Variants in RAPGEF5 observed in about 807,000 individuals in gnomAD.
RAPGEF5 encodes Rap guanine nucleotide exchange factor 5.
Under a neutral mutation model 125.2 loss-of-function variants are expected in RAPGEF5, and 65 were observed. The observed-to-expected ratio is 0.52, with a 90% confidence interval of 0.43 to 0.64. The LOEUF (loss-of-function observed/expected upper bound fraction) is 0.64, where lower values mean the gene tolerates loss of function less well. RAPGEF5 is among the 30% of genes least tolerant of loss of function. The pLI is 0.00. For missense variants in RAPGEF5, 958 were observed against 1,048.1 expected (o/e 0.91, Z 1.19); for synonymous variants, 391 against 385.9 (o/e 1.01, Z -0.16).
chr7:22,216,702 A>T (rs1350319494), intron 9 of RAPGEF5, among the ~76,000 whole-genome samples: 1 of 152,180 alleles, frequency 6.6e-6, no homozygotes, highest in Admixed American at 6.5e-5. Context: ...TCCTCCCATA[A>T]TAATTTTCAA....
chr7:22,187,604 G>T (rs1784862276), intron 11 of RAPGEF5, among the ~76,000 whole-genome samples: 2 of 152,170 alleles, frequency 1.3e-5, no homozygotes, highest in South Asian at 4.1e-4. Flanking sequence ...TGTGTGTCCA[G>T]TACCTCTGTT....
chr7:22,334,855 T>A (rs113200205), intron 1 of RAPGEF5, among the ~76,000 whole-genome samples: 2,133 of 152,294 alleles, frequency 0.014, 46 homozygotes, highest in African/African-American at 0.048. Context: ...ATTCTTCCTA[T>A]CCTTCTCTGA....
At chr7:22,190,986 T>A (rs1432344092) in intron 11 of RAPGEF5, among the ~76,000 whole-genome samples, 1 of 152,152 alleles carries the variant, frequency 6.6e-6, no homozygotes, top group African/African-American at 2.4e-5. Context: ...CTGTGTACTT[T>A]TATTGCAGCC....
At position 22,165,969 on chromosome 7, in the gene RAPGEF5, T is replaced by C. The variant is rs146170776; in HGVS notation, c.1283+1101A>G. 2.3e-3 allele frequency among the ~76,000 whole-genome samples: 341 copies of C among 151,128 alleles called. 2 individuals carry two copies. Among genetic ancestry groups the C allele is most frequent in the Admixed American group, 2.5e-3 (38 of 15,118 alleles). On this transcript the variant is annotated intron_variant, in intron 12 of 25. Coordinates refer to ENST00000665637, the MANE Select transcript of RAPGEF5 (RefSeq NM_012294.5). The stretch of plus-strand genomic sequence containing the variant: ...TAGCTGGGACCACAGGCGCATGCCA[T>C]CATGCCCAGCTAGTTTTGGTATGCC...
At chr7:22,306,516 T>C (rs1783345690) in intron 5 of RAPGEF5, among the ~76,000 whole-genome samples, 1 of 152,202 alleles carries the variant, frequency 6.6e-6, no homozygotes, top group South Asian at 2.1e-4. Context: ...ATTCTGTGGG[T>C]TGTCTCTTCA....
chr7:22,240,523 C>A lies in RAPGEF5; in HGVS notation c.797-9604G>T, dbSNP rs568989739. On this transcript the variant is annotated intron_variant, in intron 7 of 25. Transcript: ENST00000665637. ...AGTAGCTGGGATTACAGGTGCCCAC[C>A]ACCATGCTCGGCTAATTTTTTGTAT... 9.5e-4 allele frequency among the ~76,000 whole-genome samples: 145 copies of A among 152,088 alleles called. No homozygotes were observed. The Middle Eastern group carries it at 0.027, about 29-fold the overall frequency.
At chr7:22,244,133 T>C (rs537414000) in intron 7 of RAPGEF5, among the ~76,000 whole-genome samples, 2 of 152,314 alleles carry the variant, frequency 1.3e-5, no homozygotes, top group South Asian at 4.1e-4. Flanking sequence ...TATTTCCTTC[T>C]TTTTCAAGAC....
At chr7:22,150,074 C>CTTTTTTTTTTTTTTTTTTTTTTTTTTT (rs71550462) in intron 18 of RAPGEF5, among the ~76,000 whole-genome samples, 1 of 76,288 alleles carries the variant, frequency 1.3e-5, no homozygotes, top group Non-Finnish European at 2.5e-5. Context: ...ACGTGTGTTC[C>CTTTTTTTTTTTTTTTTTTTTTTTTTTT]TTTTTTTTTT....
At chr7:22,317,251 T>C (rs1384867544) in intron 2 of RAPGEF5, among the ~76,000 whole-genome samples, 1 of 150,506 alleles carries the variant, frequency 6.6e-6, no homozygotes, top group Non-Finnish European at 1.5e-5. Flanking sequence ...TCTTTTTTTT[T>C]TTTTTTTGAG....
Position 22,207,429 on chromosome 7 carries a change from G to A in RAPGEF5, c.996+12437C>T, listed in dbSNP as rs150510990. 7.8e-3 allele frequency among the ~76,000 whole-genome samples: 1,194 copies of A among 152,256 alleles called. 21 individuals carry two copies. Among genetic ancestry groups the A allele is most frequent in the African/African-American group, 0.028 (1,151 of 41,544 alleles). ...AGTAAAGCATGTCATGAAAATATGA[G>A]GAAAGCCTCAGAATACAAAGACTGG... is the stretch of plus-strand genomic sequence containing the variant. On this transcript the variant is annotated intron_variant, in intron 9 of 25. Coordinates refer to ENST00000665637, the MANE Select transcript of RAPGEF5 (RefSeq NM_012294.5).
In RAPGEF5 at chr7:22,284,131, C is replaced by G. The variant is rs149265431; in HGVS notation, c.747+7044G>C. Among the ~76,000 whole-genome samples the G allele has an allele frequency of 7.2e-5, 11 of 151,880 alleles. No homozygotes were observed. In the East Asian group the frequency reaches 2.1e-3, roughly 29 times the overall value. ...CCTGTATATTATGGTATTTGGGGAT[C>G]TATTACCAGGACGAAGATACGTAAT... On this transcript the variant is annotated intron_variant, in intron 6 of 25. Transcript: ENST00000665637.
At chr7:22,211,159 A>T (rs1162292004) in intron 9 of RAPGEF5, among the ~76,000 whole-genome samples, 1 of 152,114 alleles carries the variant, frequency 6.6e-6, no homozygotes, top group Non-Finnish European at 1.5e-5. Context: ...GCCAGATGGA[A>T]TTTTTCCTTT....
intron 1 of RAPGEF5, among the ~76,000 whole-genome samples, chr7:22,334,767 T>A (rs543281418): frequency 4.6e-5 from 7 of 152,220 alleles, no homozygotes; most frequent in Non-Finnish European, 7.3e-5. Context: ...TTAAGTCACT[T>A]GCCCACAGTC....
chr7:22,329,222 T>C (rs915674020), intron 1 of RAPGEF5, among the ~76,000 whole-genome samples: 4 of 152,246 alleles, frequency 2.6e-5, no homozygotes, highest in East Asian at 3.8e-4. Flanking sequence ...AATTTCTTCT[T>C]TTATTCAGCT....
rs544031312 is a variant in RAPGEF5 at position 22,272,902 on chromosome 7, G to A, written c.748-5890C>T. Among the ~76,000 whole-genome samples the A allele has an allele frequency of 3.9e-5, 6 of 152,088 alleles. No individual in the cohort carries two copies. In the South Asian group the frequency reaches 1.0e-3, roughly 26 times the overall value. ...CTCCTGAGTAGCTGGGACTACAGGC[G>A]CCTGCCACCATGCCCAGCTAATTTG... On this transcript the variant is annotated intron_variant, in intron 6 of 25. Coordinates refer to ENST00000665637, the MANE Select transcript of RAPGEF5 (RefSeq NM_012294.5).
At chr7:22,271,822 G>A (rs776146984) in intron 6 of RAPGEF5, among the ~76,000 whole-genome samples, 3 of 152,204 alleles carry the variant, frequency 2.0e-5, no homozygotes, top group Non-Finnish European at 2.9e-5. Context: ...GAGAATCAGA[G>A]TCAGTCTTAT....
At chr7:22,306,979 G>A (rs1010435843) in intron 5 of RAPGEF5, among the ~76,000 whole-genome samples, 1 of 152,162 alleles carries the variant, frequency 6.6e-6, no homozygotes, top group Non-Finnish European at 1.5e-5. Flanking sequence ...TTGAAGTCAG[G>A]TAATGTGATT....
intron 9 of RAPGEF5, among the ~76,000 whole-genome samples, chr7:22,218,221 C>A (rs1785688554): frequency 2.6e-5 from 4 of 152,110 alleles, no homozygotes; most frequent in Admixed American, 2.6e-4. Context: ...TTATAATATT[C>A]TGGACTGAAC....
In RAPGEF5 at chr7:22,118,641, G is replaced by A. The variant is rs1367682365; in HGVS notation, c.*3765C>T. On this transcript the variant is annotated 3_prime_UTR_variant, in exon 26 of 26. Transcript: ENST00000665637. Reference sequence around the variant, plus strand: ...GAAGTTAGGTAGACACCCTGATGGCGGGTTCTCTATCTTCTAATTGTTAAT... The same window carrying A: ...GAAGTTAGGTAGACACCCTGATGGCAGGTTCTCTATCTTCTAATTGTTAAT... 13 of 152,620 alleles carry A rather than the reference G, an allele frequency of 8.5e-5. No individual in the cohort carries two copies. The highest frequency in any genetic ancestry group is 3.9e-4 in the East Asian group (2 of 5,178). 9.5% of individuals were successfully genotyped at this position (152,620 alleles called of 1,614,324 possible).
Sources: allele counts gnomAD v4.1 joint callset (sites outside exome capture counted in the v4.1 genomes callset), GRCh38; gene constraint gnomAD v4.1.1; transcripts MANE v1.5; gene names NCBI Gene and HGNC (gene_info 2026-07-23, HGNC 2026-07-21).